OMA1: variants seen among roughly 807,000 people sequenced by gnomAD.
OMA1 encodes metalloendopeptidase OMA1, mitochondrial.
A neutral mutation model predicts 30.9 loss-of-function variants in OMA1; 38 were observed. That is an observed-to-expected ratio of 1.23 (90% confidence interval 0.95 to 1.61). The LOEUF is 1.61. OMA1 is among the 40% of genes most tolerant of loss of function. The pLI is 0.00. For synonymous variants in OMA1, 173 were observed against 121.9 expected (o/e 1.42, Z -2.76); for missense variants, 461 against 349.2 (o/e 1.32, Z -2.55).
At chr1:58,490,737 G>A (rs1221099357) in intron 8 of OMA1, among the ~76,000 whole-genome samples, 28 of 150,716 alleles carry the variant, frequency 1.9e-4, no homozygotes, top group African/African-American at 5.6e-4. Context: ...GACTAACAGC[G>A]GATCTCTCAG....
At chr1:58,543,652 G>A (rs1015470406) in intron 1 of OMA1, among the ~76,000 whole-genome samples, 3 of 151,894 alleles carry the variant, frequency 2.0e-5, no homozygotes, top group African/African-American at 7.3e-5. Context: ...GTCCTACCCT[G>A]GTAAATACCA....
chr1:58,532,606 T>C (rs1646451576), intron 5 of OMA1, among the ~76,000 whole-genome samples: 1 of 152,164 alleles, frequency 6.6e-6, no homozygotes, highest in Non-Finnish European at 1.5e-5. Flanking sequence ...TGGCTCACTG[T>C]AGCCTTGATC....
At position 58,534,193 on chromosome 1, in the gene OMA1, C is replaced by T; in HGVS notation, c.868G>A (p.Val290Ile). Residue 290 changes from valine to isoleucine, a missense_variant, in exon 4 of 9, where the codon GTT becomes ATT. Physicochemically the swap from Val to Ile is conservative, Grantham distance 29. Transcript: ENST00000371226. ...ISQINWVIHV[V>I]DSPIINAFVL... ...AAGGCATTAATAATTGGGGAATCAACCACATGAATAACCCAATTGATCTGA... is the reference window on the plus strand; with the variant it reads ...AAGGCATTAATAATTGGGGAATCAATCACATGAATAACCCAATTGATCTGA... 1.1e-6 allele frequency: 1 copy of T among 871,830 alleles called. No individual in the cohort carries two copies. Among genetic ancestry groups the T allele is most frequent in the Non-Finnish European group, 2.0e-6 (1 of 501,452 alleles). The allele number at this position is 871,830 out of a possible 1,614,324, so 54.0% of individuals were successfully genotyped here.
At chr1:58,499,502 A>ATAGATAGATAGATAGATAGG in intron 8 of OMA1, among the ~76,000 whole-genome samples, 1 of 146,714 alleles carries the variant, frequency 6.8e-6, no homozygotes, top group South Asian at 2.2e-4. Context: ...AGATAGATAG[A>ATAGATAGATAGATAGATAGG]TAGATAAATA....
intron 2 of OMA1, 130 bp from the exon 3 acceptor site, chr1:58,536,871 C>G: frequency 1.7e-6 from 1 of 587,552 alleles, no homozygotes; most frequent in Non-Finnish European, 3.0e-6. Context: ...CTGAATACAT[C>G]GCTTTTCCAA....
At chr1:58,536,960 A>G (rs1287720364) in intron 2 of OMA1, among the ~76,000 whole-genome samples, 1 of 152,180 alleles carries the variant, frequency 6.6e-6, no homozygotes, top group African/African-American at 2.4e-5. Flanking sequence ...ATACTCATCG[A>G]AATTTTCTTC....
At chr1:58,513,306 C>A (rs1169200947) in intron 7 of OMA1, among the ~76,000 whole-genome samples, 1 of 152,146 alleles carries the variant, frequency 6.6e-6, no homozygotes, top group Non-Finnish European at 1.5e-5. Context: ...CCTGAGGCCT[C>A]CCCAGCCATG....
At chr1:58,533,384 T>C (rs948337010) in intron 5 of OMA1, among the ~76,000 whole-genome samples, 3 of 152,170 alleles carry the variant, frequency 2.0e-5, no homozygotes, top group Admixed American at 1.3e-4. Flanking sequence ...TTATATAAAA[T>C]AGTAATAATA....
chr1:58,541,321 A>C (rs1358221621), intron 1 of OMA1, among the ~76,000 whole-genome samples: 9 of 129,438 alleles, frequency 7.0e-5, no homozygotes, highest in Non-Finnish European at 8.5e-5. Context: ...AAAAAAAAAA[A>C]AAAAAAAAAA....
At chr1:58,523,918 T>G (rs1403486888) in intron 7 of OMA1, among the ~76,000 whole-genome samples, 1 of 151,942 alleles carries the variant, frequency 6.6e-6, no homozygotes. Flanking sequence ...AAAAAAGAAC[T>G]GGCAGCCTTT....
intron 8 of OMA1, 124 bp from the exon 9 acceptor site, chr1:58,481,298 G>GTT: frequency 7.3e-6 from 3 of 411,962 alleles, no homozygotes; most frequent in Non-Finnish European, 1.3e-5. Flanking sequence ...TTAATAAAAG[G>GTT]TATCTTGATT....
At chr1:58,508,328 T>G (rs1417860916) in intron 7 of OMA1, among the ~76,000 whole-genome samples, 1 of 152,040 alleles carries the variant, frequency 6.6e-6, no homozygotes, top group African/African-American at 2.4e-5. Context: ...AAGTAACAGG[T>G]TGACATCAGC....
intron 8 of OMA1, among the ~76,000 whole-genome samples, chr1:58,496,542 G>C (rs1569892537): frequency 6.6e-6 from 1 of 152,076 alleles, no homozygotes; most frequent in East Asian, 1.9e-4. Flanking sequence ...ATCTCACTGG[G>C]GAACAATGAG....
At chr1:58,498,714 T>C (rs114941043) in intron 8 of OMA1, among the ~76,000 whole-genome samples, 1,696 of 152,312 alleles carry the variant, frequency 0.011, 29 homozygotes, top group African/African-American at 0.038. Flanking sequence ...TTGTAACATA[T>C]TACAGTTTCC....
intron 5 of OMA1, 60 bp downstream of exon 5, chr1:58,533,893 T>C (rs1394266342): frequency 1.2e-6 from 1 of 831,788 alleles, no homozygotes; most frequent in Non-Finnish European, 2.1e-6. Context: ...CTTTAAAAGA[T>C]TTAACTTGTT....
chr1:58,502,172 A>C (rs1645917808), intron 8 of OMA1, among the ~76,000 whole-genome samples: 1 of 152,264 alleles, frequency 6.6e-6, no homozygotes, highest in Non-Finnish European at 1.5e-5. Context: ...ATAAGAAATA[A>C]AAATATACAA....
chr1:58,491,616 T>A (rs1048626261), intron 8 of OMA1, among the ~76,000 whole-genome samples: 17 of 152,122 alleles, frequency 1.1e-4, no homozygotes, highest in African/African-American at 4.1e-4. Context: ...GTTGCAATCC[T>A]AGTCTCTGAT....
intron 7 of OMA1, among the ~76,000 whole-genome samples, chr1:58,514,510 C>A (rs375546919): frequency 6.6e-6 from 1 of 152,190 alleles, no homozygotes; most frequent in African/African-American, 2.4e-5. Context: ...TTAGCCATCA[C>A]CCCCTTCCAA....
intron 5 of OMA1, among the ~76,000 whole-genome samples, chr1:58,533,665 A>T (rs1205391915): frequency 2.0e-5 from 3 of 152,184 alleles, no homozygotes; most frequent in Non-Finnish European, 4.4e-5. Context: ...AAAGTTTAAA[A>T]TTTAATTTGA....
Sources: gnomAD v4.1 joint callset for allele counts (sites outside exome capture counted in the v4.1 genomes callset) on GRCh38, gnomAD v4.1.1 for gene constraint, MANE v1.5 for transcripts, NCBI Gene and HGNC (gene_info 2026-07-23, HGNC 2026-07-21) for gene names.